MAP4K4: variants seen among roughly 807,000 people sequenced by gnomAD.
The protein encoded by MAP4K4 is mitogen-activated protein kinase kinase kinase kinase 4, also known as HPK/GCK-like kinase HGK.
MAP4K4 carries 38 observed loss-of-function variants against 189.6 expected under a neutral mutation model. That is an observed-to-expected ratio of 0.20 (90% confidence interval 0.15 to 0.26). MAP4K4 has a LOEUF of 0.26. MAP4K4 is among the 10% of genes least tolerant of loss of function. The probability of loss-of-function intolerance (pLI) is 1.00; values close to 1 mark genes in which losing one functional copy is unlikely to be tolerated. For missense variants in MAP4K4, 1,054 were observed against 1,726.9 expected, an observed-to-expected ratio of 0.61 and a Z score of 6.91; for synonymous variants, 610 against 624.3, an observed-to-expected ratio of 0.98 and a Z score of 0.34.
At chr2:101,771,054 C>T (rs2081205982) in intron 2 of MAP4K4, among the ~76,000 whole-genome samples, 2 of 152,180 alleles carry the variant, frequency 1.3e-5, no homozygotes, top group Non-Finnish European at 2.9e-5. Flanking sequence ...AAAACAGTAT[C>T]TGCTTTTAAA....
intron 28 of MAP4K4, among the ~76,000 whole-genome samples, chr2:101,884,722 G>C (rs1339346836): frequency 1.4e-5 from 2 of 142,520 alleles, no homozygotes; most frequent in Admixed American, 1.3e-4. Context: ...TCTGTTGGTA[G>C]AATTCAGGAC....
intron 31 of MAP4K4, among the ~76,000 whole-genome samples, chr2:101,888,336 C>T (rs1045656016): frequency 6.6e-6 from 1 of 152,200 alleles, no homozygotes. Context: ...GCCATAACTA[C>T]AAACAGCCTT....
intron 2 of MAP4K4, among the ~76,000 whole-genome samples, chr2:101,730,115 T>A (rs17025993): frequency 6.6e-6 from 1 of 152,210 alleles, no homozygotes; most frequent in Non-Finnish European, 1.5e-5. Flanking sequence ...AAAGGCTTAT[T>A]ATAAGGTTTC....
At chr2:101,887,888 G>A (rs1362196198) in exon 31 of MAP4K4, 43 of 1,611,888 alleles carry the variant, frequency 2.7e-5, no homozygotes, top group Non-Finnish European at 3.6e-5. Context: ...CATATGGAAG[G>A]ATCACCAAGG....
Position 101,815,886 on chromosome 2 carries a change from C to A in MAP4K4, c.181-8042C>A, listed in dbSNP as rs558190770. Among the ~76,000 whole-genome samples the A allele has an allele frequency of 2.0e-5, 3 of 152,224 alleles. No homozygotes were observed. In the South Asian group the frequency reaches 6.2e-4, roughly 32 times the overall value. On this transcript the variant is annotated intron_variant, in intron 3 of 32. Transcript: ENST00000324219. The stretch of plus-strand genomic sequence containing the variant: ...GAATCCTTTGGGATCAGGCTCTTTC[C>A]CTTACCTCAGGTGGTTTCCGCACGG...
chr2:101,771,408 C>T (rs1388448926), intron 2 of MAP4K4, among the ~76,000 whole-genome samples: 1 of 152,154 alleles, frequency 6.6e-6, no homozygotes, highest in African/African-American at 2.4e-5. Flanking sequence ...TAGTTAGTTG[C>T]ATTCCCCTTT....
chr2:101,725,243 G>A (rs917046127), intron 2 of MAP4K4, among the ~76,000 whole-genome samples: 3 of 152,168 alleles, frequency 2.0e-5, no homozygotes, highest in Non-Finnish European at 4.4e-5. Context: ...TCAGTACAAG[G>A]AAGAGGTGTG....
At chr2:101,829,366 T>C in intron 5 of MAP4K4, 138 bp from the exon 6 acceptor site, 1 of 599,336 alleles carries the variant, frequency 1.7e-6, no homozygotes, top group South Asian at 1.9e-5. Flanking sequence ...TTCCTGGGAA[T>C]GCACTAAGAC....
rs1333450327 is a variant in MAP4K4 at position 101,861,081 on chromosome 2, A to G, written c.1866+95A>G. 7 of 1,179,806 alleles carry G rather than the reference A, an allele frequency of 5.9e-6. No individual in the cohort carries two copies. The East Asian group carries it at 1.5e-4, about 26-fold the overall frequency. The allele number at this position is 1,179,806 out of a possible 1,614,324, so 73.1% of individuals were successfully genotyped here. A position where few individuals can be genotyped will look rare whatever the true frequency, so the allele number is the denominator to read the frequency against. ...TAATATCACAGTTTAGTTTGTCACC[A>G]CACTGAAAAAGAGGAGAGATTAGCA... On this transcript the variant is annotated intron_variant, in intron 16 of 32. Transcript: ENST00000324219.
rs186857052 is a variant in MAP4K4 at position 101,859,753 on chromosome 2, G to A, written c.1593G>A (p.Pro531=). Residue 531 remains proline, a synonymous_variant, in exon 15 of 33, where the codon CCG becomes CCA. Coordinates refer to ENST00000324219, the Ensembl canonical transcript of MAP4K4. Reference sequence around the variant, plus strand: ...CTCTACAGCATGACCATAGGAGGCCGCACCCGCAGCACTCGCAGCAGCCGC... The same window carrying A: ...CTCTACAGCATGACCATAGGAGGCCACACCCGCAGCACTCGCAGCAGCCGC... 1.0e-3 allele frequency: 1,680 copies of A among 1,610,638 alleles called. 7 individuals are homozygous for A. The highest frequency in any genetic ancestry group is 1.8e-3 in the South Asian group (165 of 90,166).
At chr2:101,790,489 G>A (rs904625603) in intron 2 of MAP4K4, among the ~76,000 whole-genome samples, 1 of 152,114 alleles carries the variant, frequency 6.6e-6, no homozygotes, top group Admixed American at 6.5e-5. Context: ...AGAAGTAATT[G>A]ATGCTTTATC....
intron 28 of MAP4K4, among the ~76,000 whole-genome samples, chr2:101,883,208 C>CTATG (rs1295515318): frequency 1.3e-5 from 2 of 152,244 alleles, no homozygotes; most frequent in Non-Finnish European, 2.9e-5. Context: ...TGCACAGCTA[C>CTATG]TATGCTCCTT....
chr2:101,736,942 CTCTT>C (rs1180300886), intron 2 of MAP4K4, among the ~76,000 whole-genome samples: 7 of 152,180 alleles, frequency 4.6e-5, no homozygotes, highest in African/African-American at 7.2e-5. Context: ...CTTCCTTTCT[CTCTT>C]TGACAACTCA....
chr2:101,816,703 G>A (rs1179894444), intron 3 of MAP4K4, among the ~76,000 whole-genome samples: 1 of 152,170 alleles, frequency 6.6e-6, no homozygotes, highest in Non-Finnish European at 1.5e-5. Context: ...TTGAGGGTCT[G>A]GATTGGTACA....
intron 32 of MAP4K4, 70 bp downstream of exon 32, chr2:101,889,005 T>A (rs1412407378): frequency 7.7e-7 from 1 of 1,305,712 alleles, no homozygotes; most frequent in Non-Finnish European, 1.0e-6. Context: ...CCATGGAGTT[T>A]GATGATTAAT....
chr2:101,835,112 A>G (rs1049107719), intron 8 of MAP4K4, among the ~76,000 whole-genome samples: 1 of 152,246 alleles, frequency 6.6e-6, no homozygotes, highest in African/African-American at 2.4e-5. Flanking sequence ...AATTATCGAC[A>G]GCTAAAAATT....
Position 101,872,098 on chromosome 2 carries a change from C to T in MAP4K4, c.2952+413C>T, listed in dbSNP as rs538743041. On this transcript the variant is annotated intron_variant, in intron 24 of 32. Coordinates refer to ENST00000324219, the Ensembl canonical transcript of MAP4K4. ...ATATAGGAAGATTCGGTTCAGCAGGCTTGGCCTTATCTGGACAAACTTATT... is the reference window on the plus strand; with the variant it reads ...ATATAGGAAGATTCGGTTCAGCAGGTTTGGCCTTATCTGGACAAACTTATT... Among the ~76,000 whole-genome samples the T allele has an allele frequency of 4.5e-3, 681 of 151,782 alleles. 5 individuals are homozygous for T. Among genetic ancestry groups the T allele is most frequent in the African/African-American group, 0.015 (641 of 41,398 alleles).
chr2:101,868,779 A>G (rs2097893954), intron 21 of MAP4K4, among the ~76,000 whole-genome samples: 1 of 152,132 alleles, frequency 6.6e-6, no homozygotes, highest in Non-Finnish European at 1.5e-5. Flanking sequence ...CAGTCGGTGA[A>G]GTGAGATGTC....
At chr2:101,788,511 T>C (rs965900974) in intron 2 of MAP4K4, among the ~76,000 whole-genome samples, 6 of 152,206 alleles carry the variant, frequency 3.9e-5, no homozygotes, top group Non-Finnish European at 5.9e-5. Context: ...TTTTTCCCGG[T>C]ACAGTGTCTT....
Sources: gnomAD v4.1 joint callset for allele counts (sites outside exome capture counted in the v4.1 genomes callset) on GRCh38, gnomAD v4.1.1 for gene constraint, MANE v1.5 for transcripts, NCBI Gene and HGNC (gene_info 2026-07-23, HGNC 2026-07-21) for gene names.